The following ERI3 variants were observed in gnomAD, a reference collection of about 807,000 sequenced individuals.
ERI3 encodes the protein ERI1 exoribonuclease 3.
ERI3 carries 18 observed loss-of-function variants against 44.4 expected under a neutral mutation model. The ratio of observed to expected loss-of-function variants is 0.41; its 90% CI spans 0.28 to 0.60. ERI3 has a LOEUF of 0.60. ERI3 is among the 20% of genes least tolerant of loss of function. The pLI is 0.36. For synonymous variants in ERI3, 183 were observed against 164.8 expected, an observed-to-expected ratio of 1.11 and a Z score of -0.84; for missense variants, 294 against 435.5, an observed-to-expected ratio of 0.68 and a Z score of 2.89.
rs948188889 is a variant in ERI3 at position 44,228,229 on chromosome 1, CCCTCCCCTCAGCCCCCT to C, written c.932-6606_932-6590del. On this transcript the variant is annotated intron_variant, in intron 8 of 8. Transcript: ENST00000372257. This position sits in a 1 kb window ranked among gnomAD's most constrained non-coding sequence, Gnocchi z 4.3. The stretch of plus-strand genomic sequence containing the variant: ...CTCCAAAGTGACCCCTTCTTTCAGC[CCCTCCCCTCAGCCCCCT>C]CCACCCCACCGAGGTGCCTGGAGGT... 6.6e-6 allele frequency among the ~76,000 whole-genome samples: 1 copy of C among 152,148 alleles called. No individual in the cohort carries two copies. The highest frequency in any genetic ancestry group is 2.4e-5 in the African/African-American group (1 of 41,422).
chr1:44,250,777 C>T (rs1424250742), intron 7 of ERI3, among the ~76,000 whole-genome samples: 1 of 152,216 alleles, frequency 6.6e-6, no homozygotes, highest in Non-Finnish European at 1.5e-5. Context: ...ATGGGTCTGC[C>T]AAGCTCCTAA....
At chr1:44,266,068 T>C (rs1366584640) in intron 7 of ERI3, among the ~76,000 whole-genome samples, 1 of 152,186 alleles carries the variant, frequency 6.6e-6, no homozygotes, top group East Asian at 1.9e-4. Context: ...TTAATTCTGA[T>C]CAAAGAAGTG....
At chr1:44,279,351 A>G (rs1040427822) in intron 7 of ERI3, among the ~76,000 whole-genome samples, 1 of 152,110 alleles carries the variant, frequency 6.6e-6, no homozygotes, top group African/African-American at 2.4e-5. Context: ...CAGCCTCCCA[A>G]GTAGCTAGGA....
At chr1:44,238,092 A>AT (rs2154317015) in intron 8 of ERI3, among the ~76,000 whole-genome samples, 1 of 152,244 alleles carries the variant, frequency 6.6e-6, no homozygotes, top group South Asian at 2.1e-4. Flanking sequence ...GGCAGCCTCG[A>AT]TAACTCGCTA....
chr1:44,240,122 C>T (rs1225246948), intron 8 of ERI3, among the ~76,000 whole-genome samples: 1 of 152,176 alleles, frequency 6.6e-6, no homozygotes, highest in East Asian at 1.9e-4. Context: ...GCTTGGGCTA[C>T]ACCAGCCCCT....
intron 8 of ERI3, among the ~76,000 whole-genome samples, chr1:44,226,867 T>G (rs72686062): frequency 0.018 from 2,680 of 152,098 alleles, 43 homozygotes; most frequent in Non-Finnish European, 0.025. Flanking sequence ...TATATTAACT[T>G]TTTAATCTGT....
intron 3 of ERI3, among the ~76,000 whole-genome samples, chr1:44,337,470 TG>T (rs1369612567): frequency 6.6e-6 from 1 of 152,144 alleles, no homozygotes; most frequent in African/African-American, 2.4e-5. Flanking sequence ...TCCAGTAGTT[TG>T]GGGAGGCATG....
intron 7 of ERI3, among the ~76,000 whole-genome samples, chr1:44,249,219 C>G (rs1439932210): frequency 6.6e-6 from 1 of 152,168 alleles, no homozygotes; most frequent in African/African-American, 2.4e-5. Flanking sequence ...GGCAGGACAG[C>G]GTACAGGGCA....
At chr1:44,224,195 C>A (rs1643978327) in intron 8 of ERI3, among the ~76,000 whole-genome samples, 1 of 152,212 alleles carries the variant, frequency 6.6e-6, no homozygotes, top group African/African-American at 2.4e-5. Context: ...CAAATTCATT[C>A]TCTTACAGCC....
chr1:44,298,518 G>C (rs925870117), intron 6 of ERI3, among the ~76,000 whole-genome samples: 6 of 152,196 alleles, frequency 3.9e-5, no homozygotes, highest in African/African-American at 1.4e-4. Context: ...TAAATAAAAT[G>C]TAGTATAATA....
chr1:44,238,805 C>T (rs1557774728), intron 8 of ERI3, among the ~76,000 whole-genome samples: 1 of 152,026 alleles, frequency 6.6e-6, no homozygotes. Flanking sequence ...CCACAGCCTG[C>T]ATCTACCCTG....
intron 7 of ERI3, among the ~76,000 whole-genome samples, chr1:44,260,648 G>A (rs1644875343): frequency 6.6e-6 from 1 of 152,204 alleles, no homozygotes. Flanking sequence ...CTGGGTCTCA[G>A]TTTCTTCACT....
At chr1:44,288,550 G>A (rs959715633) in intron 6 of ERI3, among the ~76,000 whole-genome samples, 1 of 152,220 alleles carries the variant, frequency 6.6e-6, no homozygotes, top group Non-Finnish European at 1.5e-5. Flanking sequence ...GTGGGTTAGA[G>A]TGGTCATCAT....
At chr1:44,325,271 T>A (rs1646288303) in intron 3 of ERI3, among the ~76,000 whole-genome samples, 1 of 151,868 alleles carries the variant, frequency 6.6e-6, no homozygotes, top group Admixed American at 6.6e-5. Context: ...GAGACAGGGT[T>A]TCACCATATT....
intron 7 of ERI3, among the ~76,000 whole-genome samples, chr1:44,249,381 G>C (rs1281866127): frequency 1.3e-5 from 2 of 152,132 alleles, no homozygotes; most frequent in Non-Finnish European, 2.9e-5. Context: ...AACACACAGG[G>C]GAGAGGGCCC....
intron 5 of ERI3, among the ~76,000 whole-genome samples, chr1:44,311,446 T>C (rs1202529962): frequency 6.6e-6 from 1 of 152,178 alleles, no homozygotes; most frequent in Admixed American, 6.5e-5. Flanking sequence ...CAGAGCCCGG[T>C]CCGGTCTCCT....
intron 4 of ERI3, among the ~76,000 whole-genome samples, chr1:44,316,778 T>C (rs1379662051): frequency 6.6e-6 from 1 of 152,076 alleles, no homozygotes; most frequent in Non-Finnish European, 1.5e-5. Context: ...TTTTTTTTCA[T>C]GATAACAACA....
chr1:44,222,437 A>T (rs1643923559), intron 8 of ERI3, among the ~76,000 whole-genome samples: 1 of 152,202 alleles, frequency 6.6e-6, no homozygotes, highest in Non-Finnish European at 1.5e-5. Flanking sequence ...GTTTCTGCCC[A>T]TACCTCATGT....
At chr1:44,274,248 T>C (rs900004455) in intron 7 of ERI3, among the ~76,000 whole-genome samples, 3 of 152,226 alleles carry the variant, frequency 2.0e-5, no homozygotes, top group Admixed American at 6.5e-5. Context: ...TCTGGAATCA[T>C]TTCGGAATTA....
Sources: gnomAD v4.1 joint callset for allele counts (sites outside exome capture counted in the v4.1 genomes callset) on GRCh38, gnomAD v4.1.1 for gene constraint, Gnocchi (gnomAD v3.1) non-coding constraint, MANE v1.5 for transcripts, NCBI Gene and HGNC (gene_info 2026-07-23, HGNC 2026-07-21) for gene names.